Variants in CRTAM observed in about 807,000 individuals in gnomAD.
CRTAM encodes cytotoxic and regulatory T-cell molecule.
CRTAM carries 44 observed loss-of-function variants against 50.0 expected under a neutral mutation model. The observed-to-expected ratio is 0.88, with a 90% CI of 0.69 to 1.13. CRTAM has a LOEUF of 1.13. Among genes scored for constraint, CRTAM ranks in the 50% most tolerant of loss-of-function variants. CRTAM has a pLI of 0.00. For synonymous variants in CRTAM, 159 were observed against 169.3 expected, an observed-to-expected ratio of 0.94 and a Z score of 0.47; for missense variants, 448 against 457.5, an observed-to-expected ratio of 0.98 and a Z score of 0.19.
In CRTAM at chr11:122,871,603, A is replaced by G. The variant is rs1487494494; in HGVS notation, c.*204A>G. The G allele has an allele frequency of 1.1e-5, 4 of 369,998 alleles. No individual in the cohort carries two copies. The highest frequency in any genetic ancestry group is 8.3e-5 in the African/African-American group (4 of 47,910). 22.9% of individuals were successfully genotyped at this position (369,998 alleles called of 1,614,324 possible). A position where few individuals can be genotyped will look rare whatever the true frequency, so the allele number is the denominator to read the frequency against. ...ATGCACATAAAGCTTGTAGTTTAAA[A>G]AAGAAAAGCAAAAAAATAATTATGC... On this transcript the variant is annotated 3_prime_UTR_variant, in exon 10 of 10. Transcript: ENST00000227348.
intron 9 of CRTAM, among the ~76,000 whole-genome samples, chr11:122,869,700 T>C (rs1862229380): frequency 6.6e-6 from 1 of 152,220 alleles, no homozygotes; most frequent in Non-Finnish European, 1.5e-5. Context: ...TTGGTTTTAC[T>C]GAGGTTTTTG....
At chr11:122,839,071 G>A (rs1280540900) in intron 1 of CRTAM, among the ~76,000 whole-genome samples, 2 of 152,110 alleles carry the variant, frequency 1.3e-5, no homozygotes, top group Non-Finnish European at 1.5e-5. Context: ...TGGGACTACA[G>A]GTGCCCGCCA....
At chr11:122,867,976 C>A (rs1862200955) in intron 8 of CRTAM, 37 bp from the exon 9 acceptor site, 2 of 1,199,154 alleles carry the variant, frequency 1.7e-6, no homozygotes, top group East Asian at 2.3e-5. Context: ...ATGTCCATGG[C>A]ATCAGAAATT....
Position 122,855,818 on chromosome 11 carries a change from G to C in CRTAM, c.614G>C (p.Gly205Ala), listed in dbSNP as rs1271167538. The change falls in exon 5 of 10, where the codon GGG (glycine) becomes GCG (alanine). Residue 205 changes from glycine to alanine, a missense_variant. By Grantham distance (60) the Gly-to-Ala change is moderately conservative. Transcript: ENST00000227348. Reference protein sequence around the residue: ...DCIIRHRGLQGRKLVAPFRFE... With the variant: ...DCIIRHRGLQARKLVAPFRFE... The stretch of plus-strand genomic sequence containing the variant: ...ATTATCCGACACAGAGGCCTGCAAG[G>C]GAGAAAACTAGTAGCACCCTTCCGG... The C allele has an allele frequency of 1.2e-6, 2 of 1,613,822 alleles. No homozygotes were observed. The highest frequency in any genetic ancestry group is 2.7e-5 in the African/African-American group (2 of 74,892).
rs1427660560 is a variant in CRTAM, at chr11:122,868,036, C to G, written c.988C>G (p.Leu330Val). The change falls in exon 9 of 10, where the codon CTA becomes GTA. Residue 330 changes from leucine (L) to valine (V), a missense_variant. Transcript: ENST00000227348. ...KKENEVSEHT[L>V]ESYRSRSNNE... The stretch of plus-strand genomic sequence containing the variant: ...AGAAAACGAAGTTTCAGAACACACA[C>G]TAGAAAGTTACAGATCAAGGTCAAA... 6.2e-7 allele frequency: 1 copy of G among 1,612,384 alleles called. No homozygotes were observed. Among genetic ancestry groups the G allele is most frequent in the East Asian group, 2.2e-5 (1 of 44,866 alleles).
intron 9 of CRTAM, among the ~76,000 whole-genome samples, chr11:122,868,515 C>T (rs1195485536): frequency 1.3e-5 from 2 of 151,986 alleles, no homozygotes; most frequent in African/African-American, 4.8e-5. Context: ...CTTTCTGGGC[C>T]CCCAACAGAA....
chr11:122,867,367 A>C (rs775892725), intron 7 of CRTAM, 42 bp from the exon 8 acceptor site: 77 of 1,565,150 alleles, frequency 4.9e-5, no homozygotes, highest in Non-Finnish European at 5.4e-5. Context: ...AAAAAAAAAA[A>C]AAACCCAAAG....
chr11:122,860,837 T>C (rs1204658582), intron 5 of CRTAM, among the ~76,000 whole-genome samples: 1 of 152,102 alleles, frequency 6.6e-6, no homozygotes, highest in Non-Finnish European at 1.5e-5. Flanking sequence ...CCTGAGTAGT[T>C]GGAACTACAG....
rs146865363 is a variant in CRTAM at position 122,864,664 on chromosome 11, G to T, written c.762G>T (p.Ser254=). 3.7e-6 allele frequency: 6 copies of T among 1,613,404 alleles called. No homozygotes were observed. Among genetic ancestry groups the T allele is most frequent in the African/African-American group, 1.3e-5 (1 of 74,990 alleles). ...TVSVTEDSST[S]EIDKEEKEQT... ...CAGTAACGGAAGATTCTAGTACATC[G>T]GAGATTGACAAGGAAGAGAAAGAAC... Residue 254 remains serine, a synonymous_variant, in exon 7 of 10, where the codon TCG becomes TCT. Coordinates refer to ENST00000227348, the MANE Select transcript of CRTAM (RefSeq NM_019604.4).
chr11:122,853,374 A>G (rs1861960330), intron 3 of CRTAM, among the ~76,000 whole-genome samples: 1 of 152,020 alleles, frequency 6.6e-6, no homozygotes, highest in Non-Finnish European at 1.5e-5. Context: ...CCGGCCTCAT[A>G]TACCACATTT....
chr11:122,840,183 C>T (rs188748487), intron 1 of CRTAM, among the ~76,000 whole-genome samples: 14 of 152,128 alleles, frequency 9.2e-5, no homozygotes, highest in Admixed American at 9.2e-4. Context: ...ACCTAAATTA[C>T]TTAAATATTA....
At chr11:122,844,747 T>A (rs1052999525) in intron 1 of CRTAM, among the ~76,000 whole-genome samples, 3 of 152,190 alleles carry the variant, frequency 2.0e-5, no homozygotes, top group Non-Finnish European at 4.4e-5. Flanking sequence ...AACTAGTGAG[T>A]AAAACAGTAA....
intron 9 of CRTAM, among the ~76,000 whole-genome samples, chr11:122,869,396 T>C (rs1862224184): frequency 6.6e-6 from 1 of 152,268 alleles, no homozygotes; most frequent in Non-Finnish European, 1.5e-5. Context: ...AATGAGTGAC[T>C]ATAGGCTCAA....
intron 1 of CRTAM, among the ~76,000 whole-genome samples, chr11:122,843,683 A>C (rs1861826485): frequency 6.6e-6 from 1 of 152,172 alleles, no homozygotes; most frequent in South Asian, 2.1e-4. Context: ...TCTGACAACA[A>C]AGGTGAAAGT....
At chr11:122,868,196 G>A in intron 9 of CRTAM, 97 bp downstream of exon 9, 2 of 333,070 alleles carry the variant, frequency 6.0e-6, no homozygotes, top group Non-Finnish European at 1.0e-5. Flanking sequence ...ATATGTGTGT[G>A]TGTGTGTGTG....
At chr11:122,867,335 G>A in intron 7 of CRTAM, 74 bp from the exon 8 acceptor site, 1 of 1,296,412 alleles carries the variant, frequency 7.7e-7, no homozygotes, top group South Asian at 1.4e-5. Context: ...TAGAAGTATT[G>A]TTACATATTC....
At chr11:122,851,585 T>C in intron 2 of CRTAM, 108 bp from the exon 3 acceptor site, 1 of 964,214 alleles carries the variant, frequency 1.0e-6, no homozygotes. Flanking sequence ...ATAGTTTTGA[T>C]TGTGCCAAAT....
intron 1 of CRTAM, among the ~76,000 whole-genome samples, chr11:122,847,680 C>T (rs570532763): frequency 1.3e-5 from 2 of 152,278 alleles, no homozygotes; most frequent in South Asian, 4.1e-4. Context: ...CTCTTGCCAG[C>T]TCTGATGACA....
intron 3 of CRTAM, among the ~76,000 whole-genome samples, 191 bp from the exon 4 acceptor site, chr11:122,853,752 C>T (rs552495251): frequency 1.3e-5 from 2 of 151,350 alleles, no homozygotes; most frequent in East Asian, 2.0e-4. Context: ...TGGGAGGTGG[C>T]GGTTTCAGTG....
Sources: allele counts gnomAD v4.1 joint callset (sites outside exome capture counted in the v4.1 genomes callset), GRCh38; gene constraint gnomAD v4.1.1; transcripts MANE v1.5; gene names NCBI Gene and HGNC (gene_info 2026-07-23, HGNC 2026-07-21).